TTC39A: variants seen among roughly 807,000 people sequenced by gnomAD.
TTC39A encodes tetratricopeptide repeat protein 39A.
In TTC39A, 46 loss-of-function variants were observed where a neutral mutation model predicts 82.3. The observed-to-expected ratio is 0.56, with a 90% confidence interval of 0.44 to 0.71. TTC39A has a LOEUF of 0.71. Among genes scored for constraint, TTC39A ranks in the 30% least tolerant of loss-of-function variants. TTC39A has a pLI of 0.00. For missense variants in TTC39A, 543 were observed against 712.9 expected (o/e 0.76, Z 2.71); for synonymous variants, 254 against 275.2 (o/e 0.92, Z 0.76).
At chr1:51,343,212 C>T (rs975186881) in intron 1 of TTC39A, 42 of 371,940 alleles carry the variant, frequency 1.1e-4, no homozygotes, top group Middle Eastern at 1.1e-3. Context: ...CAAATGAGCC[C>T]TGTCTCCTTT....
chr1:51,320,541 A>G (rs2148273725), intron 2 of TTC39A, among the ~76,000 whole-genome samples: 1 of 148,374 alleles, frequency 6.7e-6, no homozygotes, highest in East Asian at 2.0e-4. Flanking sequence ...CTCCCACTTC[A>G]GCCTCCCAAG....
chr1:51,288,905 T>G lies in TTC39A; in HGVS notation c.1544A>C (p.Glu515Ala), dbSNP rs748204602. 4 of 1,612,410 alleles carry G rather than the reference T, an allele frequency of 2.5e-6. No homozygotes were observed. In the South Asian group the frequency reaches 3.3e-5, roughly 13 times the overall value. The change falls in exon 17 of 18, where the codon GAG (glutamate) becomes GCG (alanine). Residue 515 changes from glutamate to alanine, a missense_variant. Physicochemically the swap from Glu to Ala is moderately radical, Grantham distance 107 (BLOSUM62 -1). Coordinates refer to ENST00000680483, the MANE Select transcript of TTC39A (RefSeq NM_001297663.2). This position sits in a 1 kb window ranked among gnomAD's most constrained non-coding sequence, Gnocchi z 4.8. Reference sequence around the variant, plus strand: ...TTGCTCCATAAGCAGCAGGGCCAGCTCCAGCAGGGCGTTTGGGATCAAGTA... The same window carrying G: ...TTGCTCCATAAGCAGCAGGGCCAGCGCCAGCAGGGCGTTTGGGATCAAGTA... ...DHYLIPNALL[E>A]LALLLMEQDR... is the part of the protein sequence containing the mutation.
chr1:51,306,176 G>A, intron 6 of TTC39A, 100 bp from the exon 7 acceptor site: 5 of 888,560 alleles, frequency 5.6e-6, no homozygotes, highest in South Asian at 3.0e-5. Flanking sequence ...CCCTGGTGGT[G>A]GATTCATACA....
In TTC39A at chr1:51,304,996, C is replaced by G. The variant is rs1187784165; in HGVS notation, c.654+85G>C. The G allele has an allele frequency of 5.5e-6, 8 of 1,462,038 alleles. 1 individual carries two copies. In the Admixed American group the frequency reaches 1.4e-4, roughly 25 times the overall value. 90.6% of individuals were successfully genotyped at this position (1,462,038 alleles called of 1,614,324 possible). A position where few individuals can be genotyped will look rare whatever the true frequency, so the allele number is the denominator to read the frequency against. On this transcript the variant is annotated intron_variant, in intron 8 of 17. Coordinates refer to ENST00000680483, the MANE Select transcript of TTC39A (RefSeq NM_001297663.2). ...CTGAGCCAGGATGGGCTCCTAGGCC[C>G]TGTGGCCTGTCAGCCCCACCCTGTG...
chr1:51,288,988 C>T lies in TTC39A; in HGVS notation c.1494-33G>A. Reference sequence around the variant, plus strand: ...ACAGAGGACATGGCTCAGGTTCCTCCTCCTGAGCCTCTCCCAAACTGCATG... The same window carrying T: ...ACAGAGGACATGGCTCAGGTTCCTCTTCCTGAGCCTCTCCCAAACTGCATG... On this transcript the variant is annotated intron_variant, in intron 16 of 17. Coordinates refer to ENST00000680483, the MANE Select transcript of TTC39A (RefSeq NM_001297663.2). The surrounding 1 kb of genome is among the most constrained non-coding windows in gnomAD (Gnocchi z 4.8). The T allele has an allele frequency of 6.5e-7, 1 of 1,538,672 alleles. No individual in the cohort carries two copies. The highest frequency in any genetic ancestry group is 8.8e-7 in the Non-Finnish European group (1 of 1,131,584).
At position 51,321,075 on chromosome 1, in the gene TTC39A, T is replaced by C. The variant is rs1320202362; in HGVS notation, c.146+646A>G. Among the ~76,000 whole-genome samples, 1 of 151,556 alleles carries C rather than the reference T, an allele frequency of 6.6e-6. No homozygotes were observed. The highest frequency in any genetic ancestry group is 1.5e-5 in the Non-Finnish European group (1 of 67,872). ...TTTTGGTAGAGATGGGGTTTCACCA[T>C]GTTGGCCAGGCTGGTCTTGAACTTC... On this transcript the variant is annotated intron_variant, in intron 2 of 17. Coordinates refer to ENST00000680483, the MANE Select transcript of TTC39A (RefSeq NM_001297663.2). The surrounding 1 kb of genome is among the most constrained non-coding windows in gnomAD (Gnocchi z 4.6).
At chr1:51,332,312 G>A (rs921422108), upstream of TTC39A, among the ~76,000 whole-genome samples, 2 of 152,156 alleles carry the variant, frequency 1.3e-5, no homozygotes, top group African/African-American at 2.4e-5. Context: ...GAGTGCAGTG[G>A]CACAATCTCG....
intron 8 of TTC39A, 126 bp downstream of exon 8, chr1:51,304,955 C>A: frequency 1.0e-6 from 1 of 962,942 alleles, no homozygotes; most frequent in Non-Finnish European, 1.6e-6. Flanking sequence ...TGTCCAGGGC[C>A]ATACAATGAG....
At chr1:51,311,742 C>T (rs916437236) in intron 4 of TTC39A, among the ~76,000 whole-genome samples, 5 of 152,210 alleles carry the variant, frequency 3.3e-5, no homozygotes, top group African/African-American at 1.2e-4. Flanking sequence ...CCCATTGACT[C>T]GGCTGCTGAA....
chr1:51,297,042 G>C (rs965451934), intron 12 of TTC39A, among the ~76,000 whole-genome samples: 2 of 152,254 alleles, frequency 1.3e-5, no homozygotes, highest in Non-Finnish European at 2.9e-5. Context: ...AGGGTGGAAA[G>C]GAAAAGGCGC....
intron 14 of TTC39A, among the ~76,000 whole-genome samples, chr1:51,293,032 C>T (rs909377172): frequency 1.8e-4 from 27 of 151,964 alleles, no homozygotes; most frequent in African/African-American, 6.5e-4. Flanking sequence ...CTACAATATC[C>T]TCCTGCTCCA....
intron 8 of TTC39A, among the ~76,000 whole-genome samples, chr1:51,304,391 TC>T (rs1419852840): frequency 1.3e-5 from 2 of 152,208 alleles, no homozygotes; most frequent in Non-Finnish European, 2.9e-5. Flanking sequence ...GAAACATTTA[TC>T]TGGTCCATTA....
At chr1:51,305,206 C>A in intron 7 of TTC39A, 60 bp from the exon 8 acceptor site, 1 of 1,540,576 alleles carries the variant, frequency 6.5e-7, no homozygotes, top group Non-Finnish European at 9.0e-7. Context: ...GGGCCACCCC[C>A]ACTGTCCCAA....
At chr1:51,337,907 C>G (rs1451649978) in intron 1 of TTC39A, among the ~76,000 whole-genome samples, 1 of 152,168 alleles carries the variant, frequency 6.6e-6, no homozygotes, top group South Asian at 2.1e-4. Context: ...TGGGGTCTCA[C>G]TATATCGCCC....
At chr1:51,306,134 G>A in intron 6 of TTC39A, 58 bp from the exon 7 acceptor site, 2 of 1,449,276 alleles carry the variant, frequency 1.4e-6, no homozygotes, top group South Asian at 2.3e-5. Flanking sequence ...GGTAGGGGCT[G>A]GGACCCCTTC....
intron 2 of TTC39A, among the ~76,000 whole-genome samples, chr1:51,320,396 CTT>C (rs914211036): frequency 7.1e-6 from 1 of 141,748 alleles, no homozygotes; most frequent in Non-Finnish European, 1.5e-5. Flanking sequence ...CTTTTCTTTT[CTT>C]TTTTTCTTTT....
At chr1:51,318,644 G>A (rs528416248) in intron 2 of TTC39A, among the ~76,000 whole-genome samples, 4 of 152,326 alleles carry the variant, frequency 2.6e-5, no homozygotes, top group Non-Finnish European at 5.9e-5. Flanking sequence ...CTTGGGTGCA[G>A]GGGACAAGCT....
At chr1:51,313,083 C>T (rs934259081) in intron 2 of TTC39A, 140 bp from the exon 3 acceptor site, 3 of 1,137,854 alleles carry the variant, frequency 2.6e-6, no homozygotes, top group South Asian at 1.6e-5. Flanking sequence ...GGGCCTTGGC[C>T]AGGTCTAATC....
intron 5 of TTC39A, 25 bp from the exon 6 acceptor site, chr1:51,309,350 G>T: frequency 6.2e-7 from 1 of 1,612,630 alleles, no homozygotes; most frequent in Non-Finnish European, 8.5e-7. Flanking sequence ...GATGCTGACG[G>T]CCTGGCCCAG....
Sources: gnomAD v4.1 joint callset for allele counts (sites outside exome capture counted in the v4.1 genomes callset) on GRCh38, gnomAD v4.1.1 for gene constraint, Gnocchi (gnomAD v3.1) non-coding constraint, MANE v1.5 for transcripts, NCBI Gene and HGNC (gene_info 2026-07-23, HGNC 2026-07-21) for gene names.